Variants in SV2C observed in about 807,000 individuals in gnomAD.
SV2C encodes synaptic vesicle glycoprotein 2C, also known as solute carrier family 22 member B3.
Under a neutral mutation model 79.7 loss-of-function variants are expected in SV2C, and 49 were observed. The observed-to-expected ratio is 0.61, with a 90% CI of 0.49 to 0.78. The LOEUF (loss-of-function observed/expected upper bound fraction) is 0.78, where lower values mean the gene tolerates loss of function less well. Ranked by LOEUF, SV2C falls within the 30% of genes least tolerant of loss-of-function variation. The probability of loss-of-function intolerance (pLI) is 0.00; values close to 1 mark genes in which losing one functional copy is unlikely to be tolerated. For synonymous variants in SV2C, 334 were observed against 333.2 expected (o/e 1.00, Z -0.03); for missense variants, 833 against 912.9 (o/e 0.91, Z 1.13).
intron 2 of SV2C, among the ~76,000 whole-genome samples, chr5:76,172,277 C>A (rs1275868772): frequency 1.1e-4 from 11 of 104,560 alleles, no homozygotes; most frequent in African/African-American, 3.6e-4. Context: ...CCGCCCCGTC[C>A]GGGAGGGAGG....
At chr5:76,160,042 AT>A (rs913890220) in intron 2 of SV2C, among the ~76,000 whole-genome samples, 16 of 152,130 alleles carry the variant, frequency 1.1e-4, no homozygotes, top group Non-Finnish European at 2.2e-4. Flanking sequence ...CTTAAAAAAA[AT>A]TGTTGAAAGA....
At chr5:75,860,071 G>A in the SV2C span, among the ~76,000 whole-genome samples, 2 of 152,026 alleles carry the variant, frequency 1.3e-5, no homozygotes, top group Non-Finnish European at 2.9e-5. Flanking sequence ...GCTGGACTCG[G>A]GGTACCCACC....
chr5:76,091,001 A>G (rs566330969), intron 1 of SV2C, among the ~76,000 whole-genome samples: 1 of 152,288 alleles, frequency 6.6e-6, no homozygotes, highest in African/African-American at 2.4e-5. Flanking sequence ...ACTTTTTAGT[A>G]GTTCTAAGCA....
At chr5:76,043,202 C>A in the SV2C span, among the ~76,000 whole-genome samples, 2 of 152,188 alleles carry the variant, frequency 1.3e-5, no homozygotes, top group South Asian at 2.1e-4. Context: ...CCATCTGTGG[C>A]AGCCAGCCTC....
At chr5:76,274,440 A>G (rs1342521799) in intron 4 of SV2C, among the ~76,000 whole-genome samples, 1 of 152,134 alleles carries the variant, frequency 6.6e-6, no homozygotes, top group Non-Finnish European at 1.5e-5. Context: ...TTATGTATAT[A>G]TATAAAAACT....
At chr5:76,047,242 T>C in the SV2C span, among the ~76,000 whole-genome samples, 1 of 152,206 alleles carries the variant, frequency 6.6e-6, no homozygotes, top group Admixed American at 6.5e-5. Flanking sequence ...AGCCCTCTTC[T>C]TCCTCTTCCA....
chr5:76,303,384 G>A (rs1009866536), intron 12 of SV2C, among the ~76,000 whole-genome samples: 6 of 152,158 alleles, frequency 3.9e-5, no homozygotes, highest in African/African-American at 7.2e-5. Context: ...TACACTATAC[G>A]TTTAAAATGA....
intron 2 of SV2C, among the ~76,000 whole-genome samples, chr5:76,182,282 G>A (rs1222649310): frequency 2.6e-5 from 4 of 151,838 alleles, no homozygotes; most frequent in Non-Finnish European, 5.9e-5. Context: ...AGACCTACCC[G>A]CCTCTTGTAT....
chr5:76,002,307 A>G, the SV2C span, among the ~76,000 whole-genome samples: 2 of 152,130 alleles, frequency 1.3e-5, no homozygotes, highest in East Asian at 1.9e-4. Context: ...ATATAATACC[A>G]GTCATGAACC....
At chr5:76,309,625 ACAG>A (rs376325609) in intron 12 of SV2C, among the ~76,000 whole-genome samples, 2,370 of 136,544 alleles carry the variant, frequency 0.017, 107 homozygotes, top group East Asian at 0.024. Flanking sequence ...AAAAAAAAAA[ACAG>A]AAAGAAAGAA....
chr5:76,213,433 T>C (rs1241070201), intron 4 of SV2C, among the ~76,000 whole-genome samples: 1 of 152,198 alleles, frequency 6.6e-6, no homozygotes, highest in African/African-American at 2.4e-5. Context: ...TTAATATTTG[T>C]GCATGTTACT....
chr5:75,873,101 T>C, the SV2C span, among the ~76,000 whole-genome samples: 1 of 152,252 alleles, frequency 6.6e-6, no homozygotes, highest in East Asian at 1.9e-4. Flanking sequence ...AATCATTATG[T>C]ACAAATATAA....
At chr5:76,000,659 G>A in the SV2C span, among the ~76,000 whole-genome samples, 428 of 152,246 alleles carry the variant, frequency 2.8e-3, no homozygotes, top group African/African-American at 9.9e-3. Context: ...AGCTGGTTAC[G>A]TTAGGATTTA....
At chr5:76,321,147 A>G (rs1182990056) in intron 12 of SV2C, among the ~76,000 whole-genome samples, 1 of 152,194 alleles carries the variant, frequency 6.6e-6, no homozygotes, top group Non-Finnish European at 1.5e-5. Context: ...CACGTTATGG[A>G]AACAACTATC....
rs548654002 is a variant in SV2C, at chr5:76,331,830, G to C, written c.*6283G>C. ...GGTGAAGAACAGGAATGGGTGCAGG[G>C]GGAGTGTGAACGCAAGGCTGCTGGC... On this transcript the variant is annotated 3_prime_UTR_variant, in exon 13 of 13. Coordinates refer to ENST00000502798, the MANE Select transcript of SV2C (RefSeq NM_014979.4). 1 of 152,578 alleles carries C rather than the reference G, an allele frequency of 6.6e-6. No homozygotes were observed. The highest frequency in any genetic ancestry group is 2.4e-5 in the African/African-American group (1 of 41,582). 9.5% of individuals were successfully genotyped at this position (152,578 alleles called of 1,614,324 possible).
chr5:75,903,381 A>T, the SV2C span, among the ~76,000 whole-genome samples: 326 of 142,812 alleles, frequency 2.3e-3, 2 homozygotes, highest in African/African-American at 6.9e-3. Flanking sequence ...TTTTTTTTAA[A>T]AAAAAAAGAA....
At chr5:75,889,193 C>G in the SV2C span, among the ~76,000 whole-genome samples, 1 of 151,876 alleles carries the variant, frequency 6.6e-6, no homozygotes, top group Non-Finnish European at 1.5e-5. Flanking sequence ...TCTATCAACT[C>G]GTCAGGTTTT....
chr5:75,913,423 A>T, the SV2C span, among the ~76,000 whole-genome samples: 2 of 152,212 alleles, frequency 1.3e-5, no homozygotes, highest in East Asian at 3.8e-4. Flanking sequence ...GGTCCCAGGC[A>T]GGTGAGCTCC....
At chr5:76,350,503 T>C (rs1250607294) in intron 12 of SV2C, among the ~76,000 whole-genome samples, 1 of 152,238 alleles carries the variant, frequency 6.6e-6, no homozygotes, top group Non-Finnish European at 1.5e-5. Context: ...CTTTGTTCAG[T>C]GTGGCTTTAG....
Sources: allele counts gnomAD v4.1 joint callset (sites outside exome capture counted in the v4.1 genomes callset), GRCh38; gene constraint gnomAD v4.1.1; transcripts MANE v1.5; gene names NCBI Gene and HGNC (gene_info 2026-07-23, HGNC 2026-07-21).